Variants in LMO7 observed in about 807,000 individuals in gnomAD.
LMO7 encodes LIM domain 7.
Under a neutral mutation model 206.5 loss-of-function variants are expected in LMO7, and 120 were observed. The observed-to-expected ratio is 0.58, with a 90% CI of 0.50 to 0.68. The LOEUF (loss-of-function observed/expected upper bound fraction) is 0.68. Among genes scored for constraint, LMO7 ranks in the 30% least tolerant of loss-of-function variants. LMO7 has a pLI of 0.00. For missense variants in LMO7, 1,959 were observed against 1,957.9 expected, an observed-to-expected ratio of 1.00 and a Z score of -0.01; for synonymous variants, 706 against 681.5, an observed-to-expected ratio of 1.04 and a Z score of -0.56.
chr13:75,846,534 A>G (rs146551091), intron 26 of LMO7, among the ~76,000 whole-genome samples: 128 of 152,244 alleles, frequency 8.4e-4, no homozygotes, highest in African/African-American at 2.9e-3. Flanking sequence ...AGTTTTAAGT[A>G]CTTCAGTATT....
rs71127581 is a variant in LMO7 at position 75,776,126 on chromosome 13, C to CATATAT, written c.317+15101_317+15106dup. 5.7e-4 allele frequency among the ~76,000 whole-genome samples: 42 copies of CATATAT among 73,848 alleles called. No individual in the cohort carries two copies. The East Asian group carries it at 6.2e-3, about 11-fold the overall frequency. The allele number at this position is 73,848 out of a possible 152,430, so 48.4% of individuals were successfully genotyped here. A position where few individuals can be genotyped will look rare whatever the true frequency, so the allele number is the denominator to read the frequency against. ...ATATATATATATACATACATACATA[C>CATATAT]ATATATATATATATATATGCCATGT... On this transcript the variant is annotated intron_variant, in intron 4 of 30. Coordinates refer to ENST00000377534, the MANE Select transcript of LMO7 (RefSeq NM_001306080.2).
At chr13:75,784,059 C>T (rs2051998473) in intron 4 of LMO7, among the ~76,000 whole-genome samples, 1 of 152,018 alleles carries the variant, frequency 6.6e-6, no homozygotes, top group South Asian at 2.1e-4. Context: ...TGACATTTGA[C>T]AATATCTGGA....
Position 75,821,474 on chromosome 13 carries a change from G to C in LMO7, c.2505G>C (p.Met835Ile), listed in dbSNP as rs907898876. 2.5e-6 allele frequency: 4 copies of C among 1,614,120 alleles called. No individual in the cohort carries two copies. In the South Asian group the frequency reaches 4.4e-5, roughly 18 times the overall value. ...LSSLRSRSTQMESTRVSASLP... is the reference protein window; with the variant it reads ...LSSLRSRSTQIESTRVSASLP... ...CTCTGCGTTCACGGAGCACACAAAT[G>C]GAATCAACTCGTGTTTCAGCTTCTC... Residue 835 changes from methionine (M) to isoleucine (I), a missense_variant, in exon 14 of 31, where the codon ATG becomes ATC. Physicochemically the swap from Met to Ile is conservative, Grantham distance 10. Transcript: ENST00000377534.
chr13:75,736,276 G>A (rs900738704), intron 3 of LMO7, among the ~76,000 whole-genome samples: 1 of 152,224 alleles, frequency 6.6e-6, no homozygotes, highest in African/African-American at 2.4e-5. Context: ...GAGCATAAGA[G>A]TGACCACAGC....
chr13:75,739,588 G>T (rs2046252412), intron 3 of LMO7, among the ~76,000 whole-genome samples: 1 of 152,134 alleles, frequency 6.6e-6, no homozygotes, highest in Non-Finnish European at 1.5e-5. Context: ...ATTGGCTAAT[G>T]TTCTTGTACC....
chr13:75,691,018 G>A (rs2041427589), intron 1 of LMO7, among the ~76,000 whole-genome samples: 1 of 152,018 alleles, frequency 6.6e-6, no homozygotes, highest in Non-Finnish European at 1.5e-5. Context: ...ATGTAGATAT[G>A]TATATGTATT....
In LMO7 at chr13:75,809,892, C is replaced by T. The variant is rs187233920; in HGVS notation, c.1946+709C>T. 9.4e-5 allele frequency among the ~76,000 whole-genome samples: 13 copies of T among 137,584 alleles called. No homozygotes were observed. The East Asian group carries it at 2.1e-3, about 23-fold the overall frequency. 90.3% of individuals were successfully genotyped at this position (137,584 alleles called of 152,430 possible). ...TGTCGCCCAGGCTGGAGTGAAGTGG[C>T]GCAATCTTGGCTCACAGCAACTTCC... On this transcript the variant is annotated intron_variant, in intron 11 of 30. Transcript: ENST00000377534.
chr13:75,776,126 CATATATATAT>C (rs71127581), intron 4 of LMO7, among the ~76,000 whole-genome samples: 1 of 73,826 alleles, frequency 1.4e-5, no homozygotes, highest in Admixed American at 1.6e-4. Context: ...TACATACATA[CATATATATAT>C]ATATATATGC....
chr13:75,760,487 T>C (rs2048066779), intron 3 of LMO7: 1 of 1,269,896 alleles, frequency 7.9e-7, no homozygotes, highest in Non-Finnish European at 9.9e-7. Context: ...ATGTTCCTCC[T>C]CTTATTTCTT....
At chr13:75,711,899 C>T (rs75249821) in intron 1 of LMO7, among the ~76,000 whole-genome samples, 4 of 152,322 alleles carry the variant, frequency 2.6e-5, no homozygotes, top group African/African-American at 4.8e-5. Flanking sequence ...AGTAAAGCAG[C>T]AGTGCAGCCC....
chr13:75,723,824 T>C (rs2044235928), intron 2 of LMO7, among the ~76,000 whole-genome samples: 1 of 152,098 alleles, frequency 6.6e-6, no homozygotes, highest in Admixed American at 6.6e-5. Flanking sequence ...TGCTGCTATA[T>C]CAAGATACCA....
At position 75,636,687 on chromosome 13, in the gene LMO7, C is replaced by T. The variant is rs1051463684; in HGVS notation, c.30C>T (p.Asn10=). 1.2e-6 allele frequency: 2 copies of T among 1,609,794 alleles called. No individual in the cohort carries two copies. The highest frequency in any genetic ancestry group is 1.1e-5 in the South Asian group (1 of 89,960). ...AAGGGCTGGAGGAGGCAGAGGCCAA[C>T]TGCTCCGTGGCGTTCGCTGAGGCTC... MEGLEEAEA[N]CSVAFAEAQR... is the part of the protein sequence containing the mutation. The change falls in exon 1 of 31, where the codon AAC becomes AAT. Residue 10 remains asparagine, a synonymous_variant. Coordinates refer to ENST00000377534, the MANE Select transcript of LMO7 (RefSeq NM_001306080.2).
At chr13:75,637,879 T>C (rs2036117511) in intron 1 of LMO7, among the ~76,000 whole-genome samples, 3 of 152,214 alleles carry the variant, frequency 2.0e-5, no homozygotes, top group Admixed American at 2.0e-4. Context: ...TAGTGTCTTT[T>C]TAGATTGAAA....
At chr13:75,797,125 C>G (rs17065060) in intron 6 of LMO7, among the ~76,000 whole-genome samples, 1 of 152,122 alleles carries the variant, frequency 6.6e-6, no homozygotes, top group Non-Finnish European at 1.5e-5. Flanking sequence ...ACTGTTCACG[C>G]GCATGGAATT....
intron 4 of LMO7, among the ~76,000 whole-genome samples, chr13:75,766,257 T>A (rs892573077): frequency 5.7e-5 from 7 of 122,398 alleles, no homozygotes; most frequent in Admixed American, 8.4e-5. Flanking sequence ...TTTTTTTTTT[T>A]ATGTGAGCTT....
At chr13:75,708,362 A>G (rs2042813347) in intron 1 of LMO7, among the ~76,000 whole-genome samples, 1 of 152,056 alleles carries the variant, frequency 6.6e-6, no homozygotes. Flanking sequence ...TGGCCCTTTC[A>G]TTGCTGTTGA....
At chr13:75,690,802 G>A (rs1316136964) in intron 1 of LMO7, among the ~76,000 whole-genome samples, 2 of 152,162 alleles carry the variant, frequency 1.3e-5, no homozygotes, top group African/African-American at 2.4e-5. Context: ...TTGTCAGTTC[G>A]TTTGTCTTCC....
intron 25 of LMO7, among the ~76,000 whole-genome samples, chr13:75,843,632 T>C (rs1170258394): frequency 6.6e-6 from 1 of 152,230 alleles, no homozygotes; most frequent in Non-Finnish European, 1.5e-5. Flanking sequence ...TTTTGGGGAA[T>C]AAAGATAAAA....
chr13:75,727,179 T>C, intron 3 of LMO7, 81 bp downstream of exon 3: 2 of 798,456 alleles, frequency 2.5e-6, no homozygotes, highest in South Asian at 1.7e-5. Context: ...TTTTTGTATC[T>C]GCAATTACCA....
Sources: allele counts gnomAD v4.1 joint callset (sites outside exome capture counted in the v4.1 genomes callset), GRCh38; gene constraint gnomAD v4.1.1; transcripts MANE v1.5; gene names NCBI Gene and HGNC (gene_info 2026-07-23, HGNC 2026-07-21).